SDK1: variants seen among roughly 807,000 people sequenced by gnomAD.
SDK1 encodes sidekick cell adhesion molecule 1, also known as protein sidekick-1.
SDK1 carries 157 observed loss-of-function variants against 245.5 expected under a neutral mutation model. That is an observed-to-expected ratio of 0.64 (90% CI 0.56 to 0.73). The LOEUF is 0.73. SDK1 is among the 30% of genes least tolerant of loss of function. SDK1 has a pLI of 0.00. For synonymous variants in SDK1, 1,647 were observed against 1,278.5 expected (o/e 1.29, Z -6.15); for missense variants, 3,583 against 3,002.3 (o/e 1.19, Z -4.52).
chr7:3,817,540 C>T lies in SDK1; in HGVS notation c.714-3910C>T, dbSNP rs1445882341. 2.6e-5 allele frequency among the ~76,000 whole-genome samples: 4 copies of T among 152,208 alleles called. No individual in the cohort carries two copies. In the East Asian group the frequency reaches 7.7e-4, roughly 29 times the overall value. On this transcript the variant is annotated intron_variant, in intron 4 of 44. Transcript: ENST00000404826. ...TGCAGTGCCCAGTGGGCTGTTTTCA[C>T]CAACCATAAATCCTGTGCTTCCAGG...
At chr7:3,618,180 A>C (rs915051503) in intron 1 of SDK1, among the ~76,000 whole-genome samples, 8 of 152,022 alleles carry the variant, frequency 5.3e-5, no homozygotes, top group Non-Finnish European at 1.2e-4. Context: ...CAGATCTACA[A>C]AACATTGACA....
chr7:3,885,020 G>T (rs1348963488), intron 5 of SDK1, among the ~76,000 whole-genome samples: 2 of 152,072 alleles, frequency 1.3e-5, no homozygotes, highest in African/African-American at 4.8e-5. Context: ...CTCCTAGTGT[G>T]TCTCCCCCGA....
chr7:4,133,015 A>G (rs1784943986), intron 28 of SDK1, among the ~76,000 whole-genome samples: 1 of 152,142 alleles, frequency 6.6e-6, no homozygotes, highest in Non-Finnish European at 1.5e-5. Flanking sequence ...TTCCTCTCTG[A>G]AATATCAGGC....
intron 1 of SDK1, among the ~76,000 whole-genome samples, chr7:3,311,529 T>A (rs1391657548): frequency 6.6e-6 from 1 of 152,158 alleles, no homozygotes; most frequent in Non-Finnish European, 1.5e-5. Context: ...GTGACAAAAA[T>A]GATCTTAAAA....
At chr7:3,850,083 C>A (rs548756873) in intron 5 of SDK1, among the ~76,000 whole-genome samples, 2 of 152,292 alleles carry the variant, frequency 1.3e-5, no homozygotes, top group East Asian at 3.9e-4. Context: ...TCTATACTTA[C>A]AAGGTATTTT....
intron 4 of SDK1, among the ~76,000 whole-genome samples, chr7:3,757,586 C>T (rs114759497): frequency 7.9e-5 from 12 of 152,082 alleles, no homozygotes; most frequent in African/African-American, 2.9e-4. Context: ...GGATACAACT[C>T]AGGAATAGCG....
rs768104403 is a variant in SDK1 at position 4,017,218 on chromosome 7, C to G, written c.2468C>G (p.Thr823Ser). The change falls in exon 17 of 45, where the codon ACC (threonine) becomes AGC (serine). Residue 823 changes from threonine (T) to serine (S), a missense_variant. Thr to Ser is a moderately conservative substitution (Grantham distance 58). Transcript: ENST00000404826. ...LPGEYQQRNI[T>S]SPEVNYCLVT... ...GGAGAGTACCAGCAGCGGAACATCA[C>G]CAGCCCGGAGGTGAACTACTGCCTG... 3 of 1,613,890 alleles carry G rather than the reference C, an allele frequency of 1.9e-6. No individual in the cohort carries two copies. The South Asian group carries it at 3.3e-5, about 18-fold the overall frequency.
At chr7:3,530,951 T>C (rs1783324364) in intron 1 of SDK1, among the ~76,000 whole-genome samples, 1 of 152,236 alleles carries the variant, frequency 6.6e-6, no homozygotes. Context: ...CTTTATCGTA[T>C]AGTTGATAAC....
At chr7:3,846,644 A>G (rs1300251411) in intron 5 of SDK1, among the ~76,000 whole-genome samples, 1 of 152,196 alleles carries the variant, frequency 6.6e-6, no homozygotes, top group Non-Finnish European at 1.5e-5. Context: ...AAAGAGTATT[A>G]CTGCTTCCGT....
At chr7:3,303,656 T>A (rs1779341285) in intron 1 of SDK1, among the ~76,000 whole-genome samples, 1 of 152,230 alleles carries the variant, frequency 6.6e-6, no homozygotes, top group Admixed American at 6.5e-5. Context: ...AGTGTACAGA[T>A]CTTTTAGTGT....
chr7:3,487,796 T>C (rs1225068275), intron 1 of SDK1, among the ~76,000 whole-genome samples: 4 of 150,112 alleles, frequency 2.7e-5, no homozygotes, highest in African/African-American at 7.3e-5. Context: ...TTACAGTGTC[T>C]TGTGGCTCTC....
At chr7:3,855,143 A>C (rs905666992) in intron 5 of SDK1, among the ~76,000 whole-genome samples, 1 of 152,236 alleles carries the variant, frequency 6.6e-6, no homozygotes, top group South Asian at 2.1e-4. Flanking sequence ...CACTCCCAGA[A>C]GATGATCTAG....
At chr7:3,599,890 T>A (rs1270967666) in intron 1 of SDK1, among the ~76,000 whole-genome samples, 3 of 152,236 alleles carry the variant, frequency 2.0e-5, no homozygotes, top group Non-Finnish European at 2.9e-5. Context: ...CATATTATTT[T>A]GTAAAATTGT....
At chr7:3,898,682 T>G (rs1474985118) in intron 5 of SDK1, among the ~76,000 whole-genome samples, 1 of 152,188 alleles carries the variant, frequency 6.6e-6, no homozygotes, top group African/African-American at 2.4e-5. Flanking sequence ...AACAAAAAGT[T>G]TGAATTACTA....
chr7:4,082,993 T>C (rs28721959), intron 22 of SDK1, among the ~76,000 whole-genome samples: 34,857 of 152,022 alleles, frequency 0.23, 4,426 homozygotes, highest in African/African-American at 0.33. Context: ...AACATCTCTT[T>C]ACGGTGGTTT....
chr7:3,931,564 T>G (rs1779980578), intron 5 of SDK1, among the ~76,000 whole-genome samples: 1 of 152,164 alleles, frequency 6.6e-6, no homozygotes, highest in African/African-American at 2.4e-5. Context: ...AAGAATAATT[T>G]TGCGGGAAAT....
intron 1 of SDK1, among the ~76,000 whole-genome samples, chr7:3,351,590 A>G (rs1490061151): frequency 6.6e-6 from 1 of 152,206 alleles, no homozygotes; most frequent in Non-Finnish European, 1.5e-5. Flanking sequence ...AAATAATGGA[A>G]AATTTTATTT....
At chr7:3,894,649 C>G (rs988221487) in intron 5 of SDK1, among the ~76,000 whole-genome samples, 3 of 151,820 alleles carry the variant, frequency 2.0e-5, no homozygotes, top group African/African-American at 7.3e-5. Flanking sequence ...ATGTGCTTCA[C>G]TATACACCAG....
intron 31 of SDK1, 115 bp from the exon 32 acceptor site, chr7:4,161,671 G>A (rs946942694): frequency 1.0e-5 from 8 of 788,378 alleles, no homozygotes; most frequent in African/African-American, 3.4e-5. Context: ...GACCCCTGGA[G>A]AAGGAAGGAG....
Sources: allele counts gnomAD v4.1 joint callset (sites outside exome capture counted in the v4.1 genomes callset), GRCh38; gene constraint gnomAD v4.1.1; transcripts MANE v1.5; gene names NCBI Gene and HGNC (gene_info 2026-07-23, HGNC 2026-07-21).